PLCL2: variants seen among roughly 807,000 people sequenced by gnomAD.
PLCL2 encodes the protein phospholipase C like 2.
A neutral mutation model predicts 79.6 loss-of-function variants in PLCL2; 4 were observed. The observed-to-expected ratio is 0.05, with a 90% CI of 0.02 to 0.11. PLCL2 has a LOEUF of 0.11. Among genes scored for constraint, PLCL2 ranks in the 10% least tolerant of loss-of-function variants. The pLI is 1.00. For missense variants in PLCL2, 895 were observed against 1,291.0 expected (o/e 0.69, Z 4.70); for synonymous variants, 484 against 457.7 (o/e 1.06, Z -0.73).
chr3:16,990,290 A>C (rs1046137467), intron 1 of PLCL2, among the ~76,000 whole-genome samples: 3 of 152,204 alleles, frequency 2.0e-5, no homozygotes, highest in African/African-American at 4.8e-5. Context: ...TTAGCTACAC[A>C]GGAAGGGCTG....
chr3:17,075,774 CA>C (rs1245936676), intron 5 of PLCL2, among the ~76,000 whole-genome samples: 1 of 152,208 alleles, frequency 6.6e-6, no homozygotes, highest in Non-Finnish European at 1.5e-5. Context: ...AATTACATGG[CA>C]TACAGTCTTT....
In PLCL2 at chr3:17,019,452, C is replaced by T. The variant is rs116697194; in HGVS notation, c.3018+4541C>T. Among the ~76,000 whole-genome samples the T allele has an allele frequency of 5.4e-3, 820 of 152,252 alleles. 4 individuals are homozygous for T. The highest frequency in any genetic ancestry group is 0.01 in the South Asian group (50 of 4,828). ...ATTAATGGCAGAACCGGGGTTGGCACCCAAGTGGTATCTCTGTCCAATTTT... is the reference window on the plus strand; with the variant it reads ...ATTAATGGCAGAACCGGGGTTGGCATCCAAGTGGTATCTCTGTCCAATTTT... On this transcript the variant is annotated intron_variant, in intron 3 of 5. Transcript: ENST00000615277.
rs1422395055 is a variant in PLCL2 at position 17,054,916 on chromosome 3, C to T, written c.3094+11967C>T. On this transcript the variant is annotated intron_variant, in intron 4 of 5. Transcript: ENST00000615277. ...CTGCTGTGTGACTTTAGTTTAGTCA[C>T]TTGACCCTCTCTGCCTCATTTTCCT... is the stretch of plus-strand genomic sequence containing the variant. 2.0e-5 allele frequency among the ~76,000 whole-genome samples: 3 copies of T among 152,178 alleles called. No individual in the cohort carries two copies. The East Asian group carries it at 5.8e-4, about 29-fold the overall frequency.
intron 3 of PLCL2, among the ~76,000 whole-genome samples, chr3:17,022,278 A>G (rs536923517): frequency 1.1e-4 from 17 of 152,322 alleles, no homozygotes; most frequent in Non-Finnish European, 2.1e-4. Context: ...AGATATTCGA[A>G]GTACTGTAGT....
At chr3:16,992,750 G>A (rs1381427670) in intron 1 of PLCL2, among the ~76,000 whole-genome samples, 1 of 152,210 alleles carries the variant, frequency 6.6e-6, no homozygotes, top group Non-Finnish European at 1.5e-5. Context: ...TAGCCAGGCA[G>A]GCTAAGGATT....
Position 16,885,245 on chromosome 3 carries a change from G to C in PLCL2, c.206G>C (p.Arg69Pro), listed in dbSNP as rs1696187224. Residue 69 changes from arginine (R) to proline (P), a missense_variant, in exon 1 of 6, where the codon CGG (arginine) becomes CCG (proline). Arg to Pro is a moderately radical substitution (Grantham distance 103). Coordinates refer to ENST00000615277, the MANE Select transcript of PLCL2 (RefSeq NM_001144382.2). ...CTCGGCGTGTCCGGGGACGAAGCCC[G>C]GGCTAGCCCTACCAGGGGACCCCGC... ...CSLGVSGDEA[R>P]ASPTRGPRGV... 1.5e-6 allele frequency: 1 copy of C among 666,348 alleles called. No individual in the cohort carries two copies. The allele number at this position is 666,348 out of a possible 1,614,324, so 41.3% of individuals were successfully genotyped here.
chr3:17,066,454 G>A lies in PLCL2; in HGVS notation c.3095-1502G>A, dbSNP rs115058085. Among the ~76,000 whole-genome samples, 1,191 of 152,306 alleles carry A rather than the reference G, an allele frequency of 7.8e-3. 9 individuals carry two copies. The highest frequency in any genetic ancestry group is 0.012 in the Non-Finnish European group (808 of 68,018). On this transcript the variant is annotated intron_variant, in intron 4 of 5. Coordinates refer to ENST00000615277, the MANE Select transcript of PLCL2 (RefSeq NM_001144382.2). ...TTTAAAGACACTAAGGAATAAAGTT[G>A]TTGTCAATCACCATGTAAAGAGTTG...
chr3:17,059,450 G>GTATATATATATACACT (rs1553649917), intron 4 of PLCL2, among the ~76,000 whole-genome samples: 19 of 147,188 alleles, frequency 1.3e-4, no homozygotes, highest in African/African-American at 3.8e-4. Context: ...ATGTGTGTGT[G>GTATATATATATACACT]TGTATATATA....
intron 5 of PLCL2, among the ~76,000 whole-genome samples, chr3:17,073,806 A>G (rs1439331559): frequency 6.6e-6 from 1 of 152,224 alleles, no homozygotes; most frequent in Non-Finnish European, 1.5e-5. Context: ...CATGCATTAC[A>G]GTTTTATGAT....
At chr3:17,066,669 C>T (rs1437730515) in intron 4 of PLCL2, among the ~76,000 whole-genome samples, 1 of 152,214 alleles carries the variant, frequency 6.6e-6, no homozygotes, top group Non-Finnish European at 1.5e-5. Context: ...GCTAGTTCAT[C>T]TACACATTGG....
At chr3:16,916,979 C>T (rs1185879578) in intron 1 of PLCL2, among the ~76,000 whole-genome samples, 2 of 152,210 alleles carry the variant, frequency 1.3e-5, no homozygotes, top group East Asian at 3.9e-4. Context: ...TCGTACGAGC[C>T]CCTGGGAGAC....
chr3:16,909,959 G>T (rs1056785736), intron 1 of PLCL2, among the ~76,000 whole-genome samples: 1 of 152,022 alleles, frequency 6.6e-6, no homozygotes, highest in Non-Finnish European at 1.5e-5. Context: ...TCTGCCTTCT[G>T]TCACCTTACC....
At chr3:17,062,004 GGTTAA>G (rs2064957768) in intron 4 of PLCL2, among the ~76,000 whole-genome samples, 1 of 152,062 alleles carries the variant, frequency 6.6e-6, no homozygotes, top group African/African-American at 2.4e-5. Flanking sequence ...GTTTCCTCAT[GGTTAA>G]CATTCCAGAA....
rs755385413 is a variant in PLCL2 at position 17,011,405 on chromosome 3, A to G, written c.2059A>G (p.Met687Val). ...PSPMRIDSSN[M>V]NPQDFWKCGC... ...TCCAATGAGAATTGATTCCAGTAAC[A>G]TGAATCCTCAAGATTTTTGGAAATG... The change falls in exon 2 of 6, where the codon ATG becomes GTG. Residue 687 changes from methionine (M) to valine (V), a missense_variant. Physicochemically the swap from Met to Val is conservative, Grantham distance 21 (BLOSUM62 1). Coordinates refer to ENST00000615277, the MANE Select transcript of PLCL2 (RefSeq NM_001144382.2). This position sits in a 1 kb window ranked among gnomAD's most constrained non-coding sequence, Gnocchi z 7.9. The G allele has an allele frequency of 6.2e-6, 10 of 1,614,088 alleles. No homozygotes were observed. In the South Asian group the frequency reaches 7.7e-5, roughly 12 times the overall value.
chr3:17,017,090 C>T (rs1199553802), intron 3 of PLCL2, among the ~76,000 whole-genome samples: 2 of 152,192 alleles, frequency 1.3e-5, no homozygotes, highest in Non-Finnish European at 2.9e-5. Flanking sequence ...TTATGGCACT[C>T]ATAGCAATAT....
chr3:17,038,672 G>A (rs1032724164), intron 3 of PLCL2, among the ~76,000 whole-genome samples: 3 of 152,056 alleles, frequency 2.0e-5, no homozygotes, highest in South Asian at 2.1e-4. Context: ...ATTTTAAAAT[G>A]TTTTCTCAAA....
intron 1 of PLCL2, among the ~76,000 whole-genome samples, chr3:16,897,575 T>C (rs1190776642): frequency 6.6e-6 from 1 of 152,222 alleles, no homozygotes; most frequent in East Asian, 1.9e-4. Flanking sequence ...GCTAAATGAG[T>C]GTAGTAAAAA....
intron 3 of PLCL2, chr3:17,035,671 T>C: frequency 2.3e-6 from 1 of 429,666 alleles, no homozygotes; most frequent in South Asian, 1.8e-5. Context: ...CTTAAAATTG[T>C]CAAGGGTTTG....
chr3:16,978,122 C>T (rs2063944664), intron 1 of PLCL2, among the ~76,000 whole-genome samples: 1 of 152,162 alleles, frequency 6.6e-6, no homozygotes, highest in South Asian at 2.1e-4. Context: ...ATCTGTTCAG[C>T]CAATACATAT....
Sources: allele counts gnomAD v4.1 joint callset (sites outside exome capture counted in the v4.1 genomes callset), GRCh38; gene constraint gnomAD v4.1.1; non-coding constraint Gnocchi (gnomAD v3.1); transcripts MANE v1.5; gene names NCBI Gene and HGNC (gene_info 2026-07-23, HGNC 2026-07-21).